Variants in MCTP1 observed in about 807,000 individuals in gnomAD.
MCTP1 encodes the protein multiple C2 and transmembrane domain containing 1.
A neutral mutation model predicts 120.6 loss-of-function variants in MCTP1; 69 were observed. That is an observed-to-expected ratio of 0.57 (90% CI 0.47 to 0.70). The LOEUF (loss-of-function observed/expected upper bound fraction) is 0.70. Among genes scored for constraint, MCTP1 ranks in the 30% least tolerant of loss-of-function variants. The probability of loss-of-function intolerance (pLI) is 0.00; values close to 1 mark genes in which losing one functional copy is unlikely to be tolerated. For synonymous variants in MCTP1, 529 were observed against 493.1 expected (o/e 1.07, Z -0.96); for missense variants, 1,203 against 1,248.8 (o/e 0.96, Z 0.55).
chr5:95,227,536 A>G (rs1754419639), intron 1 of MCTP1, among the ~76,000 whole-genome samples: 1 of 152,242 alleles, frequency 6.6e-6, no homozygotes, highest in African/African-American at 2.4e-5. Flanking sequence ...TCCATCTGAG[A>G]CAGACTTGGT....
rs550904905 is a variant in MCTP1, at chr5:95,212,477, A to G, written c.720+71379T>C. ...CATTCCTTCTGAAACTATTCCAATC[A>G]ATAGAAAAAGAGGGAATCCTCCCTA... On this transcript the variant is annotated intron_variant, in intron 1 of 22. Coordinates refer to ENST00000515393, the MANE Select transcript of MCTP1 (RefSeq NM_024717.7). 2.8e-3 allele frequency among the ~76,000 whole-genome samples: 424 copies of G among 152,144 alleles called. 2 individuals carry two copies. Among genetic ancestry groups the G allele is most frequent in the African/African-American group, 9.7e-3 (403 of 41,472 alleles).
At position 94,703,834 on chromosome 5, in the gene MCTP1, T is replaced by C. The variant is rs895289957; in HGVS notation, c.*3662A>G. On this transcript the variant is annotated 3_prime_UTR_variant, in exon 23 of 23. Coordinates refer to ENST00000515393, the MANE Select transcript of MCTP1 (RefSeq NM_024717.7). Reference sequence around the variant, plus strand: ...TTGTATGATTGCTTTGGACATTTGATAGTTTTTATTTGCATACTATTTTTT... The same window carrying C: ...TTGTATGATTGCTTTGGACATTTGACAGTTTTTATTTGCATACTATTTTTT... 4 of 151,442 alleles carry C rather than the reference T, an allele frequency of 2.6e-5. No individual in the cohort carries two copies. Among genetic ancestry groups the C allele is most frequent in the Non-Finnish European group, 5.9e-5 (4 of 67,684 alleles). 9.4% of individuals were successfully genotyped at this position (151,442 alleles called of 1,614,324 possible).
chr5:95,028,805 T>C (rs773678236), intron 1 of MCTP1, among the ~76,000 whole-genome samples: 7 of 152,246 alleles, frequency 4.6e-5, no homozygotes, highest in African/African-American at 7.2e-5. Flanking sequence ...TCCTGTCTGA[T>C]ATTTGTTTTC....
intron 1 of MCTP1, among the ~76,000 whole-genome samples, chr5:95,091,882 T>C (rs543019337): frequency 3.9e-5 from 6 of 152,286 alleles, no homozygotes; most frequent in South Asian, 2.1e-4. Context: ...CTGAAATATA[T>C]GTCATTAAGA....
intron 6 of MCTP1, chr5:94,931,121 C>T (rs1814549553): frequency 6.6e-6 from 1 of 151,698 alleles, no homozygotes; most frequent in African/African-American, 2.4e-5. Flanking sequence ...TATATTAATT[C>T]ACAGTAATAA....
chr5:94,963,582 T>C (rs1163674978), intron 2 of MCTP1, among the ~76,000 whole-genome samples: 1 of 152,072 alleles, frequency 6.6e-6, no homozygotes, highest in Non-Finnish European at 1.5e-5. Flanking sequence ...CCTTTTCTTA[T>C]GCTTCCTGGC....
At chr5:94,922,080 G>A (rs1056655502) in intron 7 of MCTP1, among the ~76,000 whole-genome samples, 3 of 152,120 alleles carry the variant, frequency 2.0e-5, no homozygotes, top group Non-Finnish European at 4.4e-5. Context: ...GACCCCTAAA[G>A]GTTATGCCTA....
chr5:95,186,423 C>G (rs923096053), intron 1 of MCTP1, among the ~76,000 whole-genome samples: 3 of 151,966 alleles, frequency 2.0e-5, no homozygotes, highest in Admixed American at 6.6e-5. Flanking sequence ...TATTTAGAAT[C>G]ACTTCAAAGA....
Position 94,723,894 on chromosome 5 carries a change from A to G in MCTP1, c.2611-9008T>C, listed in dbSNP as rs1326327462. On this transcript the variant is annotated intron_variant, in intron 19 of 22. Transcript: ENST00000515393. ...ATGGAAAAAAAAGAAAAAGTGAGGAAAGAGAAAGAAGGAAGAAAAGAGAGA... is the reference window on the plus strand; with the variant it reads ...ATGGAAAAAAAAGAAAAAGTGAGGAGAGAGAAAGAAGGAAGAAAAGAGAGA... 2.6e-5 allele frequency among the ~76,000 whole-genome samples: 4 copies of G among 152,094 alleles called. No homozygotes were observed. The South Asian group carries it at 8.3e-4, about 32-fold the overall frequency.
intron 1 of MCTP1, among the ~76,000 whole-genome samples, chr5:95,264,959 A>G (rs1474439980): frequency 6.6e-6 from 1 of 152,176 alleles, no homozygotes; most frequent in African/African-American, 2.4e-5. Flanking sequence ...GGGTCTTTTC[A>G]GGTGTGACCA....
At chr5:94,983,842 G>A (rs968697824) in intron 2 of MCTP1, among the ~76,000 whole-genome samples, 4 of 152,274 alleles carry the variant, frequency 2.6e-5, no homozygotes, top group Non-Finnish European at 2.9e-5. Context: ...AATGTCAGCC[G>A]AAGCTGAGCA....
chr5:95,253,050 T>C (rs1757526165), intron 1 of MCTP1, among the ~76,000 whole-genome samples: 1 of 152,152 alleles, frequency 6.6e-6, no homozygotes, highest in African/African-American at 2.4e-5. Flanking sequence ...TCTGTTGCCA[T>C]GAGCCAATGC....
intron 1 of MCTP1, among the ~76,000 whole-genome samples, chr5:95,266,259 C>T (rs1758874370): frequency 6.6e-6 from 1 of 152,186 alleles, no homozygotes; most frequent in African/African-American, 2.4e-5. Flanking sequence ...TTTTATAATG[C>T]TAATGGAGCC....
chr5:94,720,134 T>G (rs946874820), intron 19 of MCTP1, among the ~76,000 whole-genome samples: 1 of 150,414 alleles, frequency 6.6e-6, no homozygotes, highest in Non-Finnish European at 1.5e-5. Context: ...TCAAAAAAAA[T>G]AAATAAATAA....
intron 12 of MCTP1, among the ~76,000 whole-genome samples, chr5:94,878,622 G>A (rs1399671866): frequency 1.3e-5 from 2 of 151,900 alleles, no homozygotes; most frequent in East Asian, 3.9e-4. Flanking sequence ...TATAAAGGAG[G>A]ACTAAATAGA....
rs1450212870 is a variant in MCTP1 at position 94,704,550 on chromosome 5, T to C, written c.*2946A>G. 2 of 150,038 alleles carry C rather than the reference T, an allele frequency of 1.3e-5. No individual in the cohort carries two copies. Among genetic ancestry groups the C allele is most frequent in the Non-Finnish European group, 3.0e-5 (2 of 67,518 alleles). The allele number at this position is 150,038 out of a possible 1,614,324, so 9.3% of individuals were successfully genotyped here. ...CCCTAGATAAGCATTTACTTCTGAG[T>C]TTTTCTTCACTTTTAAATGCAGAAT... is the stretch of plus-strand genomic sequence containing the variant. On this transcript the variant is annotated 3_prime_UTR_variant, in exon 23 of 23. Transcript: ENST00000515393.
At chr5:94,711,539 T>C (rs1371649273) in intron 20 of MCTP1, among the ~76,000 whole-genome samples, 2 of 152,124 alleles carry the variant, frequency 1.3e-5, no homozygotes, top group Non-Finnish European at 2.9e-5. Context: ...TTCCCAGAAG[T>C]ACATAGATAA....
chr5:95,017,524 C>T (rs1581861921), intron 1 of MCTP1, 40 bp from the exon 2 acceptor site: 1 of 1,225,890 alleles, frequency 8.2e-7, no homozygotes, highest in South Asian at 1.5e-5. Flanking sequence ...AATTTATTAT[C>T]TCTGTTCTAT....
intron 17 of MCTP1, among the ~76,000 whole-genome samples, chr5:94,812,496 C>CA (rs148545608): frequency 0.24 from 32,218 of 135,254 alleles, 3,934 homozygotes; most frequent in East Asian, 0.34. Context: ...TAAAACAAAA[C>CA]AAAAAAAAAA....
Sources: gnomAD v4.1 joint callset for allele counts (sites outside exome capture counted in the v4.1 genomes callset) on GRCh38, gnomAD v4.1.1 for gene constraint, MANE v1.5 for transcripts, NCBI Gene and HGNC (gene_info 2026-07-23, HGNC 2026-07-21) for gene names.